DOCK1: variants seen among roughly 807,000 people sequenced by gnomAD.
DOCK1 encodes the protein dedicator of cytokinesis 1.
DOCK1 carries 138 observed loss-of-function variants against 262.7 expected under a neutral mutation model. The observed-to-expected ratio is 0.53, with a 90% CI of 0.46 to 0.61. The LOEUF (loss-of-function observed/expected upper bound fraction) is 0.61, where lower values mean the gene tolerates loss of function less well. Ranked by LOEUF, DOCK1 falls within the 20% of genes least tolerant of loss-of-function variation. DOCK1 has a pLI of 0.00. For synonymous variants in DOCK1, 866 were observed against 867.4 expected (o/e 1.00, Z 0.03); for missense variants, 1,908 against 2,370.7 (o/e 0.80, Z 4.05).
rs138222955 is a variant in DOCK1, at chr10:127,437,763, G to C, written c.5061-1264G>C. Among the ~76,000 whole-genome samples the C allele has an allele frequency of 2.4e-3, 362 of 152,328 alleles. 3 individuals are homozygous for C. Among genetic ancestry groups the C allele is most frequent in the African/African-American group, 8.2e-3 (342 of 41,570 alleles). ...CCAAGTGCTAGGATTATAGGCATGA[G>C]CCACCATGCCCGGCCCTGCAATGGC... On this transcript the variant is annotated intron_variant, in intron 48 of 51. Transcript: ENST00000623213. The surrounding 1 kb of genome is among the most constrained non-coding windows in gnomAD (Gnocchi z 4.4).
rs2035621926 is a variant in DOCK1 at position 126,947,701 on chromosome 10, G to T, written c.47-23001G>T. 6.2e-5 allele frequency among the ~76,000 whole-genome samples: 9 copies of T among 145,626 alleles called. No homozygotes were observed. In the East Asian group the frequency reaches 7.2e-4, roughly 12 times the overall value. On this transcript the variant is annotated intron_variant, in intron 1 of 51. Coordinates refer to ENST00000623213, the MANE Select transcript of DOCK1 (RefSeq NM_001290223.2). ...GGTGATGGTGGTTGGTAGTATTACT[G>T]TTGGTGGTGATGGTGGTGGTTGGTA...
intron 27 of DOCK1, among the ~76,000 whole-genome samples, chr10:127,194,356 A>G (rs1231412860): frequency 1.3e-5 from 2 of 152,250 alleles, no homozygotes; most frequent in Admixed American, 6.5e-5. Flanking sequence ...TGCAGATGGC[A>G]GGACTTCCAT....
rs111357462 is a variant in DOCK1 at position 127,020,608 on chromosome 10, A to G, written c.1327+1773A>G. ...TAAGTCTAAACTTGTAGATCATCTC[A>G]TGATAGATTCATAGGGAAATGATAC... On this transcript the variant is annotated intron_variant, in intron 13 of 51. Coordinates refer to ENST00000623213, the MANE Select transcript of DOCK1 (RefSeq NM_001290223.2). Among the ~76,000 whole-genome samples the G allele has an allele frequency of 9.8e-3, 1,496 of 152,010 alleles. 22 individuals are homozygous for G. Among genetic ancestry groups the G allele is most frequent in the African/African-American group, 0.034 (1,421 of 41,452 alleles).
intron 1 of DOCK1, among the ~76,000 whole-genome samples, chr10:126,925,499 T>C (rs1006128193): frequency 6.6e-6 from 1 of 152,198 alleles, no homozygotes; most frequent in Non-Finnish European, 1.5e-5. Flanking sequence ...TTATCTTGCC[T>C]CAGCCTGCCA....
intron 48 of DOCK1, among the ~76,000 whole-genome samples, chr10:127,438,582 C>T (rs1283046496): frequency 6.6e-6 from 1 of 152,146 alleles, no homozygotes; most frequent in South Asian, 2.1e-4. Context: ...TGAAAACAAC[C>T]GTCTATCTGT....
chr10:127,298,920 G>A (rs949338849), intron 29 of DOCK1, among the ~76,000 whole-genome samples: 18 of 152,150 alleles, frequency 1.2e-4, no homozygotes, highest in African/African-American at 2.4e-4. Flanking sequence ...GGATGATCTC[G>A]AGGTGGTCCA....
intron 29 of DOCK1, among the ~76,000 whole-genome samples, chr10:127,311,777 A>G (rs1218093077): frequency 6.6e-6 from 1 of 152,190 alleles, no homozygotes; most frequent in Non-Finnish European, 1.5e-5. Context: ...CCTCATCCTC[A>G]GTGAGGACAA....
intron 27 of DOCK1, among the ~76,000 whole-genome samples, chr10:127,157,814 G>C (rs2053227175): frequency 6.6e-6 from 1 of 152,166 alleles, no homozygotes; most frequent in South Asian, 2.1e-4. Flanking sequence ...TTGTTTAAAG[G>C]AATCAGTTGT....
chr10:127,004,653 G>T (rs1466199751), intron 10 of DOCK1, among the ~76,000 whole-genome samples: 1 of 152,004 alleles, frequency 6.6e-6, no homozygotes, highest in Non-Finnish European at 1.5e-5. Flanking sequence ...AGAGGCTGAG[G>T]TGGGGGGATC....
chr10:127,099,038 A>G (rs1564801843), intron 23 of DOCK1, among the ~76,000 whole-genome samples: 1 of 152,202 alleles, frequency 6.6e-6, no homozygotes, highest in African/African-American at 2.4e-5. Flanking sequence ...TGCCAAGGAA[A>G]GCCAGAGCCT....
chr10:127,307,257 A>G (rs1228623270), intron 29 of DOCK1, among the ~76,000 whole-genome samples: 3 of 152,198 alleles, frequency 2.0e-5, no homozygotes, highest in African/African-American at 7.2e-5. Flanking sequence ...ACAGTTGGGC[A>G]GCATTGTCCC....
At chr10:127,058,721 TTATTTTAGAGTA>T (rs1399832222) in intron 22 of DOCK1, among the ~76,000 whole-genome samples, 1 of 152,108 alleles carries the variant, frequency 6.6e-6, no homozygotes, top group East Asian at 1.9e-4. Context: ...CATGTTGGAC[TTATTTTAGAGTA>T]TTTCAAATGA....
intron 45 of DOCK1, 41 bp from the exon 46 acceptor site, chr10:127,419,625 G>C (rs2068374966): frequency 6.4e-7 from 1 of 1,556,194 alleles, no homozygotes; most frequent in Non-Finnish European, 8.7e-7. Flanking sequence ...ACCTGTGTTT[G>C]CTGAGCAGGT....
At chr10:127,448,456 A>G (rs750228162) in intron 51 of DOCK1, among the ~76,000 whole-genome samples, 6 of 152,224 alleles carry the variant, frequency 3.9e-5, no homozygotes, top group Non-Finnish European at 8.8e-5. Flanking sequence ...GGATGCTGTC[A>G]GGCGTCACTC....
At chr10:126,996,956 C>G in intron 7 of DOCK1, 73 bp downstream of exon 7, 1 of 1,450,490 alleles carries the variant, frequency 6.9e-7, no homozygotes. Flanking sequence ...AAGTATCAGT[C>G]AAGCCCAAAA....
At chr10:127,077,624 C>T (rs991305241) in intron 23 of DOCK1, among the ~76,000 whole-genome samples, 5 of 152,130 alleles carry the variant, frequency 3.3e-5, no homozygotes, top group South Asian at 2.1e-4. Flanking sequence ...GTTATGGACT[C>T]GTACTGGGCA....
At chr10:127,226,850 G>T (rs529523311) in intron 27 of DOCK1, among the ~76,000 whole-genome samples, 14 of 152,084 alleles carry the variant, frequency 9.2e-5, no homozygotes, top group Admixed American at 3.3e-4. Flanking sequence ...CCTTTCTCCC[G>T]CTCCCATCCC....
chr10:127,125,337 G>A, intron 25 of DOCK1, 137 bp from the exon 26 acceptor site: 1 of 1,161,842 alleles, frequency 8.6e-7, no homozygotes. Flanking sequence ...TCAAGTAATT[G>A]ACCCCCCTCC....
chr10:127,419,688 T>A lies in DOCK1; in HGVS notation c.4715T>A (p.Leu1572Gln). 1.2e-6 allele frequency: 2 copies of A among 1,605,930 alleles called. 1 individual carries two copies. ...CAGGCCTTCTTTACAGACCGGTACC[T>A]GCAGGAGCACCCTGAGGCCCATGAA... Reference protein sequence around the residue: ...YEKAFFTDRYLQEHPEAHEKI... With the variant: ...YEKAFFTDRYQQEHPEAHEKI... Residue 1572 changes from leucine to glutamine, a missense_variant, in exon 46 of 52, where the codon CTG becomes CAG. Leu to Gln is a moderately radical substitution (Grantham distance 113). This residue lies in a region of DOCK1 where 383 missense variants were observed against 420.1 expected (regional missense o/e 0.91). Transcript: ENST00000623213.
Sources: gnomAD v4.1 joint callset for allele counts (sites outside exome capture counted in the v4.1 genomes callset) on GRCh38, gnomAD v4.1.1 for gene constraint, gnomAD v4.1.1 regional missense constraint, Gnocchi (gnomAD v3.1) non-coding constraint, MANE v1.5 for transcripts, NCBI Gene and HGNC (gene_info 2026-07-23, HGNC 2026-07-21) for gene names.